Variants in TSC22D2 observed in about 807,000 individuals in gnomAD.
The protein encoded by TSC22D2 is TSC22 domain family protein 2.
TSC22D2 carries 5 observed loss-of-function variants against 50.1 expected under a neutral mutation model. That is an observed-to-expected ratio of 0.10 (90% CI 0.05 to 0.21). TSC22D2 has a LOEUF of 0.21. Ranked by LOEUF, TSC22D2 falls within the 10% of genes least tolerant of loss-of-function variation. The pLI is 1.00. For missense variants in TSC22D2, 1,003 were observed against 1,015.5 expected (o/e 0.99, Z 0.17); for synonymous variants, 501 against 450.1 (o/e 1.11, Z -1.43).
At chr3:150,434,157 T>G (rs112350977) in intron 1 of TSC22D2, among the ~76,000 whole-genome samples, 10,284 of 151,706 alleles carry the variant, frequency 0.068, 575 homozygotes, top group African/African-American at 0.15. Context: ...TTTTTGTTTT[T>G]TTTTTTTTTG....
At chr3:150,430,468 T>G (rs1022992374) in intron 1 of TSC22D2, among the ~76,000 whole-genome samples, 1 of 152,154 alleles carries the variant, frequency 6.6e-6, no homozygotes, top group Non-Finnish European at 1.5e-5. Context: ...CAGTCAAACT[T>G]GACTCCAAAG....
Position 150,460,025 on chromosome 3 carries a change from T to C in TSC22D2, c.*1389T>C, listed in dbSNP as rs1365364871. The C allele has an allele frequency of 1.3e-5, 2 of 152,176 alleles. No homozygotes were observed. Among genetic ancestry groups the C allele is most frequent in the Non-Finnish European group, 2.9e-5 (2 of 68,018 alleles). 9.4% of individuals were successfully genotyped at this position (152,176 alleles called of 1,614,324 possible). ...AATACAGTTTCAAAAGAAAGCATCA[T>C]TTTGTGTATACTAACACATTAAGTG... On this transcript the variant is annotated 3_prime_UTR_variant, in exon 3 of 3. Transcript: ENST00000688009.
intron 1 of TSC22D2, among the ~76,000 whole-genome samples, chr3:150,449,359 A>C (rs1720973293): frequency 6.6e-6 from 1 of 152,122 alleles, no homozygotes; most frequent in Non-Finnish European, 1.5e-5. Flanking sequence ...ATGTAGTAGA[A>C]GTACTCTTGC....
chr3:150,458,379 C>T lies in TSC22D2; in HGVS notation c.2014C>T (p.Leu672=). 1 of 1,610,926 alleles carries T rather than the reference C, an allele frequency of 6.2e-7. No individual in the cohort carries two copies. Among genetic ancestry groups the T allele is most frequent in the Non-Finnish European group, 8.5e-7 (1 of 1,178,386 alleles). ...IDNKIEQAMD[L]VKSHLMYAVR... The stretch of plus-strand genomic sequence containing the variant: ...TTCCTAATTTTGTTTTTCACAGGAT[C>T]TGGTGAAAAGCCATTTGATGTATGC... The change falls in exon 3 of 3, where the codon CTG becomes TTG. Residue 672 remains leucine, a synonymous_variant. Coordinates refer to ENST00000688009, the MANE Select transcript of TSC22D2 (RefSeq NM_001303264.2).
At chr3:150,447,580 C>T (rs1720925842) in intron 1 of TSC22D2, among the ~76,000 whole-genome samples, 1 of 152,126 alleles carries the variant, frequency 6.6e-6, no homozygotes, top group Non-Finnish European at 1.5e-5. Flanking sequence ...ATTTGCACCA[C>T]CTACTCCCCA....
At chr3:150,426,944 A>ACTC (rs1314479376) in intron 1 of TSC22D2, among the ~76,000 whole-genome samples, 1 of 152,130 alleles carries the variant, frequency 6.6e-6, no homozygotes, top group Non-Finnish European at 1.5e-5. Context: ...TGTGTAGGGA[A>ACTC]CGCCTTCCAG....
rs1721421332 is a variant in TSC22D2 at position 150,461,753 on chromosome 3, T to A, written c.*3117T>A. ...TAACGTTTTATAATCAAGCCTCCAG[T>A]GACTGGGGATCACAGCTGCCATTAT... On this transcript the variant is annotated 3_prime_UTR_variant, in exon 3 of 3. Transcript: ENST00000688009. The A allele has an allele frequency of 6.6e-6, 1 of 152,090 alleles. No homozygotes were observed. Among genetic ancestry groups the A allele is most frequent in the South Asian group, 2.1e-4 (1 of 4,834 alleles). The allele number at this position is 152,090 out of a possible 1,614,324, so 9.4% of individuals were successfully genotyped here. A position where few individuals can be genotyped will look rare whatever the true frequency, so the allele number is the denominator to read the frequency against.
intron 1 of TSC22D2, among the ~76,000 whole-genome samples, chr3:150,436,443 G>A (rs1490950689): frequency 6.6e-6 from 1 of 151,870 alleles, no homozygotes; most frequent in Non-Finnish European, 1.5e-5. Flanking sequence ...CAGACAAGCA[G>A]ATTTACCAGC....
chr3:150,441,708 C>T (rs920009961), intron 1 of TSC22D2, among the ~76,000 whole-genome samples: 1 of 152,084 alleles, frequency 6.6e-6, no homozygotes, highest in African/African-American at 2.4e-5. Flanking sequence ...GAGCCATGAT[C>T]GCACCACTCC....
chr3:150,411,073 T>A lies in TSC22D2; in HGVS notation c.1723T>A (p.Ser575Thr). The A allele has an allele frequency of 6.2e-7, 1 of 1,614,196 alleles. No homozygotes were observed. The highest frequency in any genetic ancestry group is 8.5e-7 in the Non-Finnish European group (1 of 1,180,032). ...CAGCGCACCAACAAGTCTACCACAG[T>A]CTGACCTAAGCCAGTTTCAAACTCA... ...THSAPTSLPQ[S>T]DLSQFQTQTQ... is the part of the protein sequence containing the mutation. Residue 575 changes from serine (S) to threonine (T), a missense_variant, in exon 1 of 3, where the codon TCT (serine) becomes ACT (threonine). Ser to Thr is a moderately conservative substitution (Grantham distance 58). Around this residue, in one of 6 missense-constraint regions of TSC22D2, gnomAD observed 696 missense variants for 647.8 expected, o/e 1.07. Transcript: ENST00000688009.
In TSC22D2 at chr3:150,409,651, C is replaced by A. The variant is rs767524111; in HGVS notation, c.301C>A (p.Pro101Thr). 1.2e-6 allele frequency: 2 copies of A among 1,605,976 alleles called. No individual in the cohort carries two copies. Among genetic ancestry groups the A allele is most frequent in the South Asian group, 1.1e-5 (1 of 90,376 alleles). The change falls in exon 1 of 3, where the codon CCC becomes ACC. Residue 101 changes from proline to threonine, a missense_variant. Transcript: ENST00000688009. The surrounding 1 kb of genome is among the most constrained non-coding windows in gnomAD (Gnocchi z 7.4). The stretch of plus-strand genomic sequence containing the variant: ...GCAGCTGGCAGCGGCGGCTGCTGCT[C>A]CCGCCAACGGAGGAGGAGTCGTTTC... ...DGQLAAAAAA[P>T]ANGGGVVSAR... is the part of the protein sequence containing the mutation.
At position 150,448,855 on chromosome 3, in the gene TSC22D2, G is replaced by C. The variant is rs192849259; in HGVS notation, c.1959-8221G>C. 2.8e-3 allele frequency among the ~76,000 whole-genome samples: 420 copies of C among 148,388 alleles called. 6 individuals are homozygous for C. The highest frequency in any genetic ancestry group is 0.025 in the Admixed American group (373 of 14,818). Reference sequence around the variant, plus strand: ...ATGTGAAAGAGATCTGGAAAAAGAAGATAATGTTAATTTTAATCTTGTATA... The same window carrying C: ...ATGTGAAAGAGATCTGGAAAAAGAACATAATGTTAATTTTAATCTTGTATA... On this transcript the variant is annotated intron_variant, in intron 1 of 2. Coordinates refer to ENST00000688009, the MANE Select transcript of TSC22D2 (RefSeq NM_001303264.2).
At chr3:150,445,313 CAAA>C (rs924946570) in intron 1 of TSC22D2, among the ~76,000 whole-genome samples, 6 of 97,806 alleles carry the variant, frequency 6.1e-5, no homozygotes, top group East Asian at 2.9e-4. Context: ...GACTCTGTCT[CAAA>C]AATAATAATA....
At chr3:150,455,401 G>C (rs905976196) in intron 1 of TSC22D2, among the ~76,000 whole-genome samples, 1 of 152,166 alleles carries the variant, frequency 6.6e-6, no homozygotes, top group Non-Finnish European at 1.5e-5. Context: ...ATCCTTTCTA[G>C]ATATTAGATA....
chr3:150,443,682 G>A (rs2868430), intron 1 of TSC22D2, among the ~76,000 whole-genome samples: 19,696 of 152,110 alleles, frequency 0.13, 1,631 homozygotes, highest in Non-Finnish European at 0.2. Flanking sequence ...TTTTTTATCT[G>A]ACCAAAAGCA....
At chr3:150,442,123 CT>C (rs1720737953) in intron 1 of TSC22D2, among the ~76,000 whole-genome samples, 1 of 152,162 alleles carries the variant, frequency 6.6e-6, no homozygotes, top group Non-Finnish European at 1.5e-5. Context: ...ACCTACTGTT[CT>C]TTTTACTTGG....
At chr3:150,419,457 G>T (rs1719934708) in intron 1 of TSC22D2, among the ~76,000 whole-genome samples, 1 of 152,010 alleles carries the variant, frequency 6.6e-6, no homozygotes, top group African/African-American at 2.4e-5. Flanking sequence ...TGGAGATGGT[G>T]CTTGTTGATG....
chr3:150,450,016 C>A (rs1720995385), intron 1 of TSC22D2, among the ~76,000 whole-genome samples: 1 of 151,804 alleles, frequency 6.6e-6, no homozygotes, highest in African/African-American at 2.4e-5. Context: ...TAGTCCTTTC[C>A]CACCAAAGTA....
At position 150,441,282 on chromosome 3, in the gene TSC22D2, C is replaced by A. The variant is rs565290423; in HGVS notation, c.1959-15794C>A. On this transcript the variant is annotated intron_variant, in intron 1 of 2. Coordinates refer to ENST00000688009, the MANE Select transcript of TSC22D2 (RefSeq NM_001303264.2). Reference sequence around the variant, plus strand: ...CAATCATGGTAGATAAGTAGATTTTCAATAGTTTTTAAACTGTGTAGTTAA... The same window carrying A: ...CAATCATGGTAGATAAGTAGATTTTAAATAGTTTTTAAACTGTGTAGTTAA... Among the ~76,000 whole-genome samples the A allele has an allele frequency of 2.9e-4, 44 of 152,140 alleles. 1 individual carries two copies. The South Asian group carries it at 8.9e-3, about 31-fold the overall frequency.
Sources: allele counts gnomAD v4.1 joint callset (sites outside exome capture counted in the v4.1 genomes callset), GRCh38; gene constraint gnomAD v4.1.1; regional missense constraint gnomAD v4.1.1; non-coding constraint Gnocchi (gnomAD v3.1); transcripts MANE v1.5; gene names NCBI Gene and HGNC (gene_info 2026-07-23, HGNC 2026-07-21).